Variants in SV2C observed in about 807,000 individuals in gnomAD.
SV2C encodes the protein synaptic vesicle glycoprotein 2C, also known as solute carrier family 22 member B3.
A neutral mutation model predicts 79.7 loss-of-function variants in SV2C; 49 were observed. The ratio of observed to expected loss-of-function variants is 0.61; its 90% CI spans 0.49 to 0.78. The LOEUF is 0.78. SV2C is among the 30% of genes least tolerant of loss of function. SV2C has a pLI of 0.00. For missense variants in SV2C, 833 were observed against 912.9 expected, an observed-to-expected ratio of 0.91 and a Z score of 1.13; for synonymous variants, 334 against 333.2, an observed-to-expected ratio of 1.00 and a Z score of -0.03.
chr5:75,900,894 G>T, the SV2C span, among the ~76,000 whole-genome samples: 5 of 152,122 alleles, frequency 3.3e-5, no homozygotes, highest in Non-Finnish European at 7.3e-5. Flanking sequence ...CGAGGCTTCT[G>T]CATTCTTCAC....
At chr5:75,886,107 G>A in the SV2C span, among the ~76,000 whole-genome samples, 1 of 152,216 alleles carries the variant, frequency 6.6e-6, no homozygotes, top group South Asian at 2.1e-4. Flanking sequence ...GCTTGACCTT[G>A]GGTGAGTCAG....
intron 4 of SV2C, 103 bp downstream of exon 4, chr5:76,209,990 C>A: frequency 1.5e-6 from 2 of 1,331,096 alleles, no homozygotes; most frequent in Non-Finnish European, 2.0e-6. Context: ...AGAAAAACTA[C>A]TCATCATCAT....
rs760456755 is a variant in SV2C at position 76,209,813 on chromosome 5, G to A, written c.839G>A (p.Ser280Asn). ...LAREKRGEHL[S>N]WLCMFWMIGG... is the part of the protein sequence containing the mutation. ...CGGGAAAAGCGGGGCGAACACTTGAGCTGGCTCTGCATGTTCTGGATGATC... is the reference window on the plus strand; with the variant it reads ...CGGGAAAAGCGGGGCGAACACTTGAACTGGCTCTGCATGTTCTGGATGATC... Residue 280 changes from serine (S) to asparagine (N), a missense_variant, in exon 4 of 13, where the codon AGC (serine) becomes AAC (asparagine). By Grantham distance (46) the Ser-to-Asn change is conservative. Coordinates refer to ENST00000502798, the MANE Select transcript of SV2C (RefSeq NM_014979.4). The A allele has an allele frequency of 4.3e-6, 7 of 1,614,244 alleles. No individual in the cohort carries two copies. The highest frequency in any genetic ancestry group is 5.9e-6 in the Non-Finnish European group (7 of 1,180,042).
chr5:76,216,627 G>A (rs1006971703), intron 4 of SV2C, among the ~76,000 whole-genome samples: 5 of 152,108 alleles, frequency 3.3e-5, no homozygotes, highest in African/African-American at 7.2e-5. Flanking sequence ...CCTAACACCC[G>A]TTCTCAAGCC....
At chr5:76,300,520 A>G (rs1180935331) in intron 10 of SV2C, among the ~76,000 whole-genome samples, 1 of 152,188 alleles carries the variant, frequency 6.6e-6, no homozygotes, top group Non-Finnish European at 1.5e-5. Flanking sequence ...CAGCAAAGGT[A>G]TCTCATCATT....
In SV2C at chr5:76,263,068, G is replaced by T. The variant is rs182464905; in HGVS notation, c.914-22094G>T. 2.9e-3 allele frequency among the ~76,000 whole-genome samples: 435 copies of T among 152,260 alleles called. 1 individual carries two copies. Among genetic ancestry groups the T allele is most frequent in the African/African-American group, 0.01 (425 of 41,532 alleles). On this transcript the variant is annotated intron_variant, in intron 4 of 12. Coordinates refer to ENST00000502798, the MANE Select transcript of SV2C (RefSeq NM_014979.4). ...CCACTATTATTGTGTGGGAGTCTAAGTCTCTATGTAAGTCTTTAAGAACTT... is the reference window on the plus strand; with the variant it reads ...CCACTATTATTGTGTGGGAGTCTAATTCTCTATGTAAGTCTTTAAGAACTT...
At chr5:76,181,611 G>C (rs1029770729) in intron 2 of SV2C, among the ~76,000 whole-genome samples, 3 of 152,072 alleles carry the variant, frequency 2.0e-5, no homozygotes, top group African/African-American at 7.2e-5. Context: ...GAGAGGGAAG[G>C]GGGGATGTGC....
chr5:76,311,640 G>A (rs917080177), intron 12 of SV2C, among the ~76,000 whole-genome samples: 1 of 152,172 alleles, frequency 6.6e-6, no homozygotes, highest in African/African-American at 2.4e-5. Context: ...CCTATTATAT[G>A]TAATGTAGAT....
the SV2C span, among the ~76,000 whole-genome samples, chr5:75,876,714 T>G: frequency 1.3e-5 from 2 of 152,062 alleles, no homozygotes; most frequent in Non-Finnish European, 2.9e-5. Flanking sequence ...GTAGGAGTAA[T>G]GTGTCTATGT....
the SV2C span, among the ~76,000 whole-genome samples, chr5:76,046,241 C>G: frequency 6.6e-6 from 1 of 152,046 alleles, no homozygotes; most frequent in Non-Finnish European, 1.5e-5. Context: ...GAAACTAAGA[C>G]ACTTTGATCT....
intron 4 of SV2C, among the ~76,000 whole-genome samples, chr5:76,269,277 C>T (rs1746767499): frequency 6.6e-6 from 1 of 152,160 alleles, no homozygotes; most frequent in African/African-American, 2.4e-5. Flanking sequence ...GGGTATAGTT[C>T]TCAGATGTAT....
intron 1 of SV2C, among the ~76,000 whole-genome samples, chr5:76,100,064 TA>T (rs1472591696): frequency 2.0e-5 from 3 of 152,214 alleles, no homozygotes; most frequent in Non-Finnish European, 4.4e-5. Flanking sequence ...CAATTAGCCA[TA>T]AAATTAGCAA....
the SV2C span, among the ~76,000 whole-genome samples, chr5:75,869,342 T>C: frequency 6.6e-6 from 1 of 152,098 alleles, no homozygotes; most frequent in African/African-American, 2.4e-5. Context: ...CCTTGGGCAT[T>C]AAGGGAATAT....
chr5:75,879,957 C>T, the SV2C span, among the ~76,000 whole-genome samples: 1 of 152,224 alleles, frequency 6.6e-6, no homozygotes, highest in African/African-American at 2.4e-5. Context: ...TTTGACACCA[C>T]ATGGAATCTA....
At chr5:75,858,715 T>C in the SV2C span, among the ~76,000 whole-genome samples, 1 of 152,214 alleles carries the variant, frequency 6.6e-6, no homozygotes, top group Admixed American at 6.5e-5. Flanking sequence ...AATTCAGAAG[T>C]GAAACCATTG....
At chr5:76,196,428 G>A (rs566516423) in intron 3 of SV2C, among the ~76,000 whole-genome samples, 9 of 152,326 alleles carry the variant, frequency 5.9e-5, no homozygotes, top group African/African-American at 2.2e-4. Context: ...CTCCACAGGG[G>A]AGCCCCTTGG....
At chr5:76,244,274 A>G (rs997573677) in intron 4 of SV2C, among the ~76,000 whole-genome samples, 1 of 152,230 alleles carries the variant, frequency 6.6e-6, no homozygotes, top group Non-Finnish European at 1.5e-5. Context: ...GGCCACATGT[A>G]GGATATCTTG....
At chr5:76,268,786 G>A (rs1307477234) in intron 4 of SV2C, among the ~76,000 whole-genome samples, 2 of 151,966 alleles carry the variant, frequency 1.3e-5, no homozygotes, top group African/African-American at 4.8e-5. Flanking sequence ...ACCTTTACTT[G>A]TCAACTTCAG....
chr5:76,301,257 G>A, intron 11 of SV2C, 129 bp from the exon 12 acceptor site: 2 of 1,261,664 alleles, frequency 1.6e-6, no homozygotes, highest in South Asian at 2.9e-5. Flanking sequence ...CAGTTCTTGA[G>A]CTTTATGGAG....
Sources: allele counts gnomAD v4.1 joint callset (sites outside exome capture counted in the v4.1 genomes callset), GRCh38; gene constraint gnomAD v4.1.1; transcripts MANE v1.5; gene names NCBI Gene and HGNC (gene_info 2026-07-23, HGNC 2026-07-21).